CRAT: variants seen among roughly 807,000 people sequenced by gnomAD.
CRAT encodes the protein carnitine acetylase.
A neutral mutation model predicts 73.7 loss-of-function variants in CRAT; 66 were observed. That is an observed-to-expected ratio of 0.90 (90% CI 0.73 to 1.10). CRAT has a LOEUF of 1.10. Among genes scored for constraint, CRAT ranks in the 50% least tolerant of loss-of-function variants. The pLI is 0.00. For missense variants in CRAT, 745 were observed against 846.9 expected (o/e 0.88, Z 1.49); for synonymous variants, 321 against 343.2 (o/e 0.94, Z 0.71).
intron 7 of CRAT, 56 bp from the exon 8 acceptor site, chr9:129,100,022 C>A: frequency 7.0e-7 from 1 of 1,425,074 alleles, no homozygotes; most frequent in Non-Finnish European, 9.9e-7. Flanking sequence ...GGTGGCCCCT[C>A]ACCCAACCAC....
chr9:129,098,403 G>A (rs753282397), intron 9 of CRAT, 32 bp from the exon 10 acceptor site: 2 of 1,610,072 alleles, frequency 1.2e-6, no homozygotes, highest in Non-Finnish European at 1.7e-6. Flanking sequence ...GTGAGGAGCA[G>A]GCCCCGGCAG....
In CRAT at chr9:129,102,422, A is replaced by G. The variant is rs1847736744; in HGVS notation, c.608T>C (p.Ile203Thr). 1.2e-6 allele frequency: 2 copies of G among 1,613,956 alleles called. No individual in the cohort carries two copies. Among genetic ancestry groups the G allele is most frequent in the East Asian group, 2.2e-5 (1 of 44,884 alleles). The change falls in exon 5 of 14, where the codon ATC (isoleucine) becomes ACC (threonine). Residue 203 changes from isoleucine to threonine, a missense_variant. Coordinates refer to ENST00000318080, the MANE Select transcript of CRAT (RefSeq NM_000755.5). ...CACCTGGTAGTTGTGTACCACGGTGATGTGCGTGGGAGGCTTCTTGGTCTT... is the reference window on the plus strand; with the variant it reads ...CACCTGGTAGTTGTGTACCACGGTGGTGTGCGTGGGAGGCTTCTTGGTCTT... ...FSKTKKPPTH[I>T]TVVHNYQFFE... is the part of the protein sequence containing the mutation.
Position 129,097,261 on chromosome 9 carries a change from A to T in CRAT, c.1516T>A (p.Tyr506Asn). 6.4e-7 allele frequency: 1 copy of T among 1,563,522 alleles called. No homozygotes were observed. The highest frequency in any genetic ancestry group is 8.7e-7 in the Non-Finnish European group (1 of 1,153,976). ...LRKAVQAHRG[Y>N]TDRAIRGEAF... ...GCGGGCTCACTTACCCGGTCGGTGTAGCCTCGGTGGGCCTGCACGGCCTTC... is the reference window on the plus strand; with the variant it reads ...GCGGGCTCACTTACCCGGTCGGTGTTGCCTCGGTGGGCCTGCACGGCCTTC... The change falls in exon 12 of 14, where the codon TAC (tyrosine) becomes AAC (asparagine). Residue 506 changes from tyrosine to asparagine, a missense_variant. Physicochemically the swap from Tyr to Asn is moderately radical, Grantham distance 143 (BLOSUM62 -2). Transcript: ENST00000318080.
In CRAT at chr9:129,109,230, C is replaced by A. The variant is rs1325150063; in HGVS notation, c.28-1153G>T. 3.1e-6 allele frequency: 4 copies of A among 1,304,058 alleles called. 1 individual carries two copies. The Admixed American group carries it at 6.9e-5, about 22-fold the overall frequency. The allele number at this position is 1,304,058 out of a possible 1,614,324, so 80.8% of individuals were successfully genotyped here. On this transcript the variant is annotated intron_variant, in intron 1 of 13. Transcript: ENST00000318080. Reference sequence around the variant, plus strand: ...GATGAGGGAAAACTTGGCTGGAGGACAGAGACTGCCTGGCCGCTGAGGTTA... The same window carrying A: ...GATGAGGGAAAACTTGGCTGGAGGAAAGAGACTGCCTGGCCGCTGAGGTTA...
chr9:129,104,447 C>T (rs1345126571), intron 2 of CRAT, 141 bp from the exon 3 acceptor site: 2 of 632,290 alleles, frequency 3.2e-6, no homozygotes, highest in African/African-American at 3.7e-5. Context: ...GATCCAGAAC[C>T]CACCCTCCCT....
intron 1 of CRAT, among the ~76,000 whole-genome samples, chr9:129,109,796 G>C (rs755473976): frequency 6.6e-6 from 1 of 152,112 alleles, no homozygotes; most frequent in African/African-American, 2.4e-5. Context: ...GATCAGGGAC[G>C]GAAGGGACTG....
At position 129,095,346 on chromosome 9, in the gene CRAT, C is replaced by T. The variant is rs758754267; in HGVS notation, c.*51G>A. On this transcript the variant is annotated 3_prime_UTR_variant, in exon 14 of 14. Transcript: ENST00000318080. ...AGGAGCTGAGCCCTGGTGGGTGGCC[C>T]ATCCCAGGGTGGGCTTGGCTGTGGC... is the stretch of plus-strand genomic sequence containing the variant. 4 of 1,580,380 alleles carry T rather than the reference C, an allele frequency of 2.5e-6. No individual in the cohort carries two copies. The highest frequency in any genetic ancestry group is 2.6e-6 in the Non-Finnish European group (3 of 1,161,616).
chr9:129,106,134 G>T lies in CRAT; in HGVS notation c.291+1680C>A, dbSNP rs1564169356. Among the ~76,000 whole-genome samples, 1 of 152,024 alleles carries T rather than the reference G, an allele frequency of 6.6e-6. No individual in the cohort carries two copies. Among genetic ancestry groups the T allele is most frequent in the Non-Finnish European group, 1.5e-5 (1 of 67,990 alleles). On this transcript the variant is annotated intron_variant, in intron 2 of 13. Transcript: ENST00000318080. The surrounding 1 kb of genome is among the most constrained non-coding windows in gnomAD (Gnocchi z 4.0). ...GCCACTAGCCTTTGGCAAGGGGTGA[G>T]GGGGAGGCAACTTGGCAAGGGGTGA... is the stretch of plus-strand genomic sequence containing the variant.
In CRAT at chr9:129,105,331, CT is replaced by C. The variant is rs960539230; in HGVS notation, c.292-1026del. Among the ~76,000 whole-genome samples the C allele has an allele frequency of 1.5e-4, 22 of 151,424 alleles. No homozygotes were observed. The South Asian group carries it at 1.5e-3, about 10-fold the overall frequency. ...TACAAAAACAAAGTCCAATGAGTGACTTTTTTTTTGAGACAGGGTCTCACTG... is the reference window on the plus strand; with the variant it reads ...TACAAAAACAAAGTCCAATGAGTGACTTTTTTTTGAGACAGGGTCTCACTG... On this transcript the variant is annotated intron_variant, in intron 2 of 13. Transcript: ENST00000318080.
intron 1 of CRAT, chr9:129,109,199 C>G (rs1270952270): frequency 1.5e-6 from 2 of 1,304,112 alleles, no homozygotes; most frequent in African/African-American, 1.5e-5. Flanking sequence ...CTGCGAAGAT[C>G]GTTTTGATGA....
In CRAT at chr9:129,098,164, G is replaced by A. The variant is rs1847408280; in HGVS notation, c.1329-16C>T. On this transcript the variant is annotated splice_polypyrimidine_tract_variant and intron_variant, in intron 10 of 13. Coordinates refer to ENST00000318080, the MANE Select transcript of CRAT (RefSeq NM_000755.5). ...TCCGTAGATCCTGGTGGGAAATGGG[G>A]CTAAGCACGCCCCTTGGAGGCGGGC... 1 of 1,613,544 alleles carries A rather than the reference G, an allele frequency of 6.2e-7. No individual in the cohort carries two copies. Among genetic ancestry groups the A allele is most frequent in the Non-Finnish European group, 8.5e-7 (1 of 1,179,928 alleles).
intron 6 of CRAT, among the ~76,000 whole-genome samples, chr9:129,101,258 C>T (rs865957633): frequency 3.3e-5 from 5 of 152,168 alleles, no homozygotes; most frequent in Admixed American, 1.3e-4. Context: ...CATGGCTGTG[C>T]GGGGCCCAGC....
rs1847548707 is a variant in CRAT at position 129,099,878 on chromosome 9, A to T, written c.1073T>A (p.Val358Asp). ...GPPIVTLLDY[V>D]IEYTKKPELV... The stretch of plus-strand genomic sequence containing the variant: ...TGACTGTACTCACGTGTACTCGATG[A>T]CATAGTCCAGAAGGGTGACAATAGG... The change falls in exon 8 of 14, where the codon GTC (valine) becomes GAC (aspartate). Residue 358 changes from valine to aspartate, a missense_variant. Coordinates refer to ENST00000318080, the MANE Select transcript of CRAT (RefSeq NM_000755.5). 2.5e-6 allele frequency: 4 copies of T among 1,613,210 alleles called. No homozygotes were observed. Among genetic ancestry groups the T allele is most frequent in the Admixed American group, 1.7e-5 (1 of 60,002 alleles).
In CRAT at chr9:129,108,393, C is replaced by A. The variant is rs1275239318; in HGVS notation, c.28-316G>T. Reference sequence around the variant, plus strand: ...CCGCCCACCTGTTGGGTTGCACAGGCCCCTCCTTTCTCACCCTGGAAGAGG... The same window carrying A: ...CCGCCCACCTGTTGGGTTGCACAGGACCCTCCTTTCTCACCCTGGAAGAGG... On this transcript the variant is annotated intron_variant, in intron 1 of 13. Coordinates refer to ENST00000318080, the MANE Select transcript of CRAT (RefSeq NM_000755.5). The A allele has an allele frequency of 4.2e-6, 5 of 1,202,930 alleles. No individual in the cohort carries two copies. In the East Asian group the frequency reaches 2.3e-4, roughly 55 times the overall value. The allele number at this position is 1,202,930 out of a possible 1,614,324, so 74.5% of individuals were successfully genotyped here. A position where few individuals can be genotyped will look rare whatever the true frequency, so the allele number is the denominator to read the frequency against.
At chr9:129,104,432 G>T in intron 2 of CRAT, 126 bp from the exon 3 acceptor site, 1 of 686,356 alleles carries the variant, frequency 1.5e-6, no homozygotes, top group Non-Finnish European at 2.5e-6. Context: ...CAAAGTAAAT[G>T]CCTAGATCCA....
intron 6 of CRAT, among the ~76,000 whole-genome samples, chr9:129,101,247 C>A (rs1847654988): frequency 6.6e-6 from 1 of 152,202 alleles, no homozygotes; most frequent in South Asian, 2.1e-4. Flanking sequence ...ACATGTCTGC[C>A]CATGGCTGTG....
At chr9:129,097,991 A>T (rs1167935816) in intron 11 of CRAT, 22 bp downstream of exon 11, 3 of 1,608,942 alleles carry the variant, frequency 1.9e-6, no homozygotes, top group African/African-American at 2.7e-5. Context: ...CAGCTCACCC[A>T]CCCTCGCCCC....
At chr9:129,104,051 T>C (rs1847844850) in intron 3 of CRAT, 137 bp downstream of exon 3, 1 of 602,876 alleles carries the variant, frequency 1.7e-6, no homozygotes, top group South Asian at 2.0e-5. Flanking sequence ...ATTTGTAAAA[T>C]AGGGAGGATG....
rs183259142 is a variant in CRAT at position 129,098,704 on chromosome 9, C to T, written c.1086-54G>A. The T allele has an allele frequency of 1.1e-4, 176 of 1,557,944 alleles. 1 individual carries two copies. The East Asian group carries it at 2.6e-3, about 23-fold the overall frequency. ...TGCTGGTGCCTCTAGAGCCTGGGTCCATTCTGGGACCAGGGTGGGGAGGAT... is the reference window on the plus strand; with the variant it reads ...TGCTGGTGCCTCTAGAGCCTGGGTCTATTCTGGGACCAGGGTGGGGAGGAT... On this transcript the variant is annotated intron_variant, in intron 8 of 13. Coordinates refer to ENST00000318080, the MANE Select transcript of CRAT (RefSeq NM_000755.5).
Sources: allele counts gnomAD v4.1 joint callset (sites outside exome capture counted in the v4.1 genomes callset), GRCh38; gene constraint gnomAD v4.1.1; non-coding constraint Gnocchi (gnomAD v3.1); transcripts MANE v1.5; gene names NCBI Gene and HGNC (gene_info 2026-07-23, HGNC 2026-07-21).